The following SPIDR variants were observed in gnomAD, a reference collection of about 807,000 sequenced individuals.
The protein encoded by SPIDR is scaffold protein involved in DNA repair, also known as DNA repair-scaffolding protein.
SPIDR carries 93 observed loss-of-function variants against 104.6 expected under a neutral mutation model. The ratio of observed to expected loss-of-function variants is 0.89; its 90% confidence interval spans 0.75 to 1.06. The LOEUF (loss-of-function observed/expected upper bound fraction) is 1.06, where lower values mean the gene tolerates loss of function less well. Among genes scored for constraint, SPIDR ranks in the 50% least tolerant of loss-of-function variants. The pLI is 0.00. For missense variants in SPIDR, 1,154 were observed against 1,111.2 expected (o/e 1.04, Z -0.55); for synonymous variants, 431 against 416.9 (o/e 1.03, Z -0.41).
At chr8:47,459,141 G>C (rs1431076499) in intron 8 of SPIDR, among the ~76,000 whole-genome samples, 1 of 152,086 alleles carries the variant, frequency 6.6e-6, no homozygotes, top group African/African-American at 2.4e-5. Context: ...TTATTAGGGT[G>C]ATCCTGGCTT....
intron 14 of SPIDR, among the ~76,000 whole-genome samples, chr8:47,708,188 A>T (rs2081342069): frequency 6.6e-6 from 1 of 152,030 alleles, no homozygotes; most frequent in Non-Finnish European, 1.5e-5. Context: ...AATCCCAGCT[A>T]CCCGGGAGTC....
intron 16 of SPIDR, among the ~76,000 whole-genome samples, chr8:47,719,837 C>T (rs2083141570): frequency 6.6e-6 from 1 of 152,134 alleles, no homozygotes; most frequent in African/African-American, 2.4e-5. Flanking sequence ...ATGCTCCTTA[C>T]ATTTACAGGA....
chr8:47,567,531 A>G (rs539866540), intron 8 of SPIDR, among the ~76,000 whole-genome samples: 9 of 152,068 alleles, frequency 5.9e-5, no homozygotes, highest in East Asian at 1.9e-4. Context: ...AGGATAAACA[A>G]TATTTCTGAA....
intron 7 of SPIDR, among the ~76,000 whole-genome samples, chr8:47,410,188 C>CT (rs568380022): frequency 5.5e-4 from 80 of 146,210 alleles, no homozygotes; most frequent in South Asian, 1.9e-3. Flanking sequence ...TTTATTTTAC[C>CT]TTTTTTTTTT....
intron 7 of SPIDR, among the ~76,000 whole-genome samples, chr8:47,418,738 C>G (rs533899791): frequency 6.6e-6 from 1 of 152,068 alleles, no homozygotes; most frequent in South Asian, 2.1e-4. Flanking sequence ...CCATTCAGCA[C>G]GATACTGGCT....
chr8:47,391,632 G>T (rs1404578189), intron 5 of SPIDR, among the ~76,000 whole-genome samples: 1 of 152,110 alleles, frequency 6.6e-6, no homozygotes, highest in African/African-American at 2.4e-5. Context: ...GACAGTATTT[G>T]TCTTTTTGGT....
At chr8:47,314,579 T>G (rs1178661739) in intron 5 of SPIDR, among the ~76,000 whole-genome samples, 1 of 152,094 alleles carries the variant, frequency 6.6e-6, no homozygotes, top group South Asian at 2.1e-4. Flanking sequence ...AAGCCCCTTA[T>G]AAAACCATCA....
chr8:47,356,871 C>G (rs1474225444), intron 5 of SPIDR, among the ~76,000 whole-genome samples: 1 of 152,164 alleles, frequency 6.6e-6, no homozygotes, highest in Non-Finnish European at 1.5e-5. Flanking sequence ...TGAGCACCTA[C>G]CTACCATGTG....
At chr8:47,332,985 G>T (rs2154269260) in intron 5 of SPIDR, among the ~76,000 whole-genome samples, 1 of 150,066 alleles carries the variant, frequency 6.7e-6, no homozygotes, top group African/African-American at 2.5e-5. Context: ...CTTTTGCTGT[G>T]CAGAAGCTCT....
Position 47,728,976 on chromosome 8 carries a change from CCT to C in SPIDR, c.2480_2481del (p.Pro827ArgfsTer39). 6.2e-7 allele frequency: 1 copy of C among 1,613,934 alleles called. No individual in the cohort carries two copies. The highest frequency in any genetic ancestry group is 8.5e-7 in the Non-Finnish European group (1 of 1,180,022). On this transcript the variant is annotated frameshift_variant, in exon 18 of 20. Transcript: ENST00000297423. LOFTEE classifies it high-confidence loss of function. The stretch of plus-strand genomic sequence containing the variant: ...GGACTGCTCCCGGGTGGTCACATCT[CCT>C]GTTCTCAAGAGGCACCTGCAGGTCT... ...CGDCSRVVTS[P>X]VLKRHLQVFL...
At position 47,729,032 on chromosome 8, in the gene SPIDR, CAGAGTGA is replaced by C; in HGVS notation, c.2538_2544del (p.Val847SerfsTer12). On this transcript the variant is annotated frameshift_variant, in exon 18 of 20. Transcript: ENST00000297423. LOFTEE classifies it high-confidence loss of function. ...TGGACTGCCGCTCAAGACCGCAGTG[CAGAGTGA>C]AGGTCAAGGTAGGAGCCAGGCCAGA... 1 of 1,613,990 alleles carries C rather than the reference CAGAGTGA, an allele frequency of 6.2e-7. No individual in the cohort carries two copies.
intron 10 of SPIDR, among the ~76,000 whole-genome samples, chr8:47,665,696 T>C (rs1370773515): frequency 1.3e-5 from 2 of 152,220 alleles, no homozygotes; most frequent in Admixed American, 6.5e-5. Context: ...ATACACAAGG[T>C]GAGGACCTAA....
At chr8:47,640,816 TA>T (rs1420109286) in intron 10 of SPIDR, among the ~76,000 whole-genome samples, 1,250 of 123,608 alleles carry the variant, frequency 0.01, 25 homozygotes, top group African/African-American at 0.035. Flanking sequence ...TAGCTGGAAC[TA>T]CAGGTACACA....
rs370038718 is a variant in SPIDR, at chr8:47,731,195, G to A, written c.2604+1730G>A. On this transcript the variant is annotated intron_variant, in intron 19 of 19. Transcript: ENST00000297423. ...CACTGGAACTGGGGAGGTAGAGGTT[G>A]CAGTGAGCTGAGATTGTGCCATACT... Among the ~76,000 whole-genome samples, 13 of 151,956 alleles carry A rather than the reference G, an allele frequency of 8.6e-5. No homozygotes were observed. In the East Asian group the frequency reaches 2.3e-3, roughly 27 times the overall value.
chr8:47,412,965 C>T (rs1400522392), intron 7 of SPIDR, among the ~76,000 whole-genome samples: 5 of 152,180 alleles, frequency 3.3e-5, no homozygotes, highest in African/African-American at 1.2e-4. Flanking sequence ...TCAAATGGCT[C>T]CTCCTTCTTT....
rs187990182 is a variant in SPIDR, at chr8:47,594,924, A to T, written c.1098-887A>T. Among the ~76,000 whole-genome samples, 26 of 152,276 alleles carry T rather than the reference A, an allele frequency of 1.7e-4. 1 individual carries two copies. Among genetic ancestry groups the T allele is most frequent in the African/African-American group, 6.0e-4 (25 of 41,560 alleles). ...GGCACGAGAATTATTTGAATCCAGGAGGCAGAGGTTTCAGTGAGCTGAGAC... is the reference window on the plus strand; with the variant it reads ...GGCACGAGAATTATTTGAATCCAGGTGGCAGAGGTTTCAGTGAGCTGAGAC... On this transcript the variant is annotated intron_variant, in intron 8 of 19. Transcript: ENST00000297423.
chr8:47,386,531 GAGTGGTAGGA>G (rs1193626202), intron 5 of SPIDR, among the ~76,000 whole-genome samples: 3 of 152,232 alleles, frequency 2.0e-5, no homozygotes, highest in Non-Finnish European at 2.9e-5. Context: ...GTGGAGTCAG[GAGTGGTAGGA>G]AGTGGGCTGC....
intron 8 of SPIDR, among the ~76,000 whole-genome samples, chr8:47,533,346 C>A (rs2086335723): frequency 6.6e-6 from 1 of 152,068 alleles, no homozygotes; most frequent in African/African-American, 2.4e-5. Flanking sequence ...TAGGCAGTAC[C>A]ATCCTCGACA....
intron 8 of SPIDR, among the ~76,000 whole-genome samples, chr8:47,510,565 A>G (rs1489017610): frequency 1.3e-5 from 2 of 152,134 alleles, no homozygotes; most frequent in Non-Finnish European, 2.9e-5. Context: ...TATTAAATAG[A>G]ATGGGGAAAT....
Sources: gnomAD v4.1 joint callset for allele counts (sites outside exome capture counted in the v4.1 genomes callset) on GRCh38, gnomAD v4.1.1 for gene constraint, MANE v1.5 for transcripts, NCBI Gene and HGNC (gene_info 2026-07-23, HGNC 2026-07-21) for gene names.